Variants in NEGR1 observed in about 807,000 individuals in gnomAD.
NEGR1 encodes the protein neuronal growth regulator 1, also known as IgLON family member 4.
Under a neutral mutation model 40.9 loss-of-function variants are expected in NEGR1, and 10 were observed. The observed-to-expected ratio is 0.24, with a 90% confidence interval of 0.15 to 0.42. The LOEUF is 0.42. NEGR1 is among the 10% of genes least tolerant of loss of function. NEGR1 has a pLI of 1.00. For synonymous variants in NEGR1, 185 were observed against 166.8 expected (o/e 1.11, Z -0.84); for missense variants, 352 against 438.9 (o/e 0.80, Z 1.77).
At chr1:71,613,652 T>C (rs1264830380) in intron 4 of NEGR1, among the ~76,000 whole-genome samples, 2 of 143,282 alleles carry the variant, frequency 1.4e-5, no homozygotes, top group Non-Finnish European at 3.0e-5. Flanking sequence ...CGAAACTCCA[T>C]CTCGAAAAAA....
intron 2 of NEGR1, among the ~76,000 whole-genome samples, chr1:71,868,471 A>ATAG (rs370312326): frequency 9.6e-4 from 142 of 148,124 alleles, no homozygotes; most frequent in African/African-American, 3.1e-3. Context: ...AGATAGACAG[A>ATAG]ATACATACAT....
chr1:71,644,458 C>G (rs978091272), intron 4 of NEGR1, among the ~76,000 whole-genome samples: 6 of 151,902 alleles, frequency 3.9e-5, no homozygotes, highest in African/African-American at 1.4e-4. Context: ...GTCTTCTTTT[C>G]TATTGCTTTT....
At position 71,654,788 on chromosome 1, in the gene NEGR1, G is replaced by C. The variant is rs146089312; in HGVS notation, c.667+43220C>G. On this transcript the variant is annotated intron_variant, in intron 4 of 6. Transcript: ENST00000357731. ...ACATTCTACAAATAAATAAAGTTTT[G>C]ACATTATGGGTTGCTAGTTTTCAAT... 3.1e-4 allele frequency among the ~76,000 whole-genome samples: 47 copies of C among 152,246 alleles called. No individual in the cohort carries two copies. The East Asian group carries it at 9.1e-3, about 29-fold the overall frequency.
intron 3 of NEGR1, among the ~76,000 whole-genome samples, chr1:71,764,607 T>C (rs1437959362): frequency 6.6e-6 from 1 of 152,148 alleles, no homozygotes; most frequent in Non-Finnish European, 1.5e-5. Context: ...GAATGTACAA[T>C]GCAGTGGTGG....
chr1:71,511,555 A>G (rs1174181706), intron 6 of NEGR1, among the ~76,000 whole-genome samples: 1 of 152,218 alleles, frequency 6.6e-6, no homozygotes, highest in African/African-American at 2.4e-5. Flanking sequence ...TAGGCTTCTA[A>G]GAGCCCAGAG....
chr1:72,095,985 A>G (rs1396993004), intron 1 of NEGR1, among the ~76,000 whole-genome samples: 1 of 151,866 alleles, frequency 6.6e-6, no homozygotes, highest in African/African-American at 2.4e-5. Context: ...CTTTTTTTTA[A>G]GCTTTGATCC....
At chr1:71,596,494 C>T (rs1009831202) in intron 5 of NEGR1, among the ~76,000 whole-genome samples, 19 of 152,210 alleles carry the variant, frequency 1.2e-4, no homozygotes, top group Non-Finnish European at 1.9e-4. Flanking sequence ...ACTTATATTT[C>T]TGACTCACAA....
rs549405838 is a variant in NEGR1, at chr1:71,561,659, C to T, written c.940+31158G>A. Among the ~76,000 whole-genome samples the T allele has an allele frequency of 5.9e-5, 9 of 151,708 alleles. No homozygotes were observed. In the South Asian group the frequency reaches 6.2e-4, roughly 10 times the overall value. ...TTTTTTATATCATTGTTTCTCCATA[C>T]GCTTTGGTATTCAAACAGCTAAAGA... On this transcript the variant is annotated intron_variant, in intron 6 of 6. Transcript: ENST00000357731.
intron 2 of NEGR1, among the ~76,000 whole-genome samples, chr1:71,860,399 C>T (rs1490000438): frequency 1.3e-5 from 2 of 151,860 alleles, no homozygotes; most frequent in Non-Finnish European, 2.9e-5. Flanking sequence ...AATCTTTGCC[C>T]AGTAAATCTT....
At chr1:71,760,209 A>G (rs1181443604) in intron 3 of NEGR1, among the ~76,000 whole-genome samples, 1 of 152,086 alleles carries the variant, frequency 6.6e-6, no homozygotes, top group East Asian at 1.9e-4. Context: ...TTGTTTTTTT[A>G]TGGGTAAGCA....
At chr1:71,834,663 G>T (rs1430619807) in intron 2 of NEGR1, among the ~76,000 whole-genome samples, 1 of 151,934 alleles carries the variant, frequency 6.6e-6, no homozygotes, top group Admixed American at 6.6e-5. Flanking sequence ...ATAATTGTGT[G>T]GGCCAATTCC....
intron 5 of NEGR1, among the ~76,000 whole-genome samples, chr1:71,598,775 G>T (rs555172845): frequency 1.3e-5 from 2 of 152,200 alleles, no homozygotes; most frequent in Non-Finnish European, 2.9e-5. Context: ...TCTCTGTAAA[G>T]TTCCAGTTAT....
At chr1:72,193,249 T>C (rs1389104836) in intron 1 of NEGR1, among the ~76,000 whole-genome samples, 1 of 151,842 alleles carries the variant, frequency 6.6e-6, no homozygotes. Context: ...AAAACAAGTG[T>C]TTCCTTTTCT....
chr1:71,819,538 G>T (rs1443554946), intron 2 of NEGR1, among the ~76,000 whole-genome samples: 1 of 151,704 alleles, frequency 6.6e-6, no homozygotes, highest in Non-Finnish European at 1.5e-5. Flanking sequence ...ACTAAAAATT[G>T]AAAGGAAGAA....
intron 6 of NEGR1, among the ~76,000 whole-genome samples, chr1:71,545,937 T>A (rs1000206050): frequency 6.6e-6 from 1 of 151,712 alleles, no homozygotes; most frequent in Non-Finnish European, 1.5e-5. Flanking sequence ...ATATATGATA[T>A]CCATGATGTA....
intron 1 of NEGR1, among the ~76,000 whole-genome samples, chr1:72,124,523 C>T (rs1270349770): frequency 6.6e-6 from 1 of 151,964 alleles, no homozygotes; most frequent in African/African-American, 2.4e-5. Flanking sequence ...CCCGGGACCC[C>T]GTAATTTTAG....
At chr1:71,720,186 T>C (rs918878715) in intron 3 of NEGR1, among the ~76,000 whole-genome samples, 13 of 152,326 alleles carry the variant, frequency 8.5e-5, no homozygotes, top group African/African-American at 2.9e-4. Context: ...ATCAACACTT[T>C]CCATTGAACA....
At chr1:71,876,689 G>C (rs1279631468) in intron 2 of NEGR1, among the ~76,000 whole-genome samples, 2 of 152,092 alleles carry the variant, frequency 1.3e-5, no homozygotes, top group South Asian at 2.1e-4. Context: ...AATTCTTTCA[G>C]TTGGAGAGGA....
intron 3 of NEGR1, among the ~76,000 whole-genome samples, chr1:71,719,522 CT>C (rs1465413191): frequency 6.6e-6 from 1 of 152,018 alleles, no homozygotes; most frequent in Non-Finnish European, 1.5e-5. Flanking sequence ...TTATCATTAT[CT>C]TCTGGTGACG....
Sources: gnomAD v4.1 joint callset for allele counts (sites outside exome capture counted in the v4.1 genomes callset) on GRCh38, gnomAD v4.1.1 for gene constraint, MANE v1.5 for transcripts, NCBI Gene and HGNC (gene_info 2026-07-23, HGNC 2026-07-21) for gene names.